ZCWPW2: variants seen among roughly 807,000 people sequenced by gnomAD.
ZCWPW2 encodes the protein zinc finger CW-type and PWWP domain containing 2, also known as zinc finger CW-type PWWP domain protein 2.
A neutral mutation model predicts 46.6 loss-of-function variants in ZCWPW2; 45 were observed. That is an observed-to-expected ratio of 0.96 (90% CI 0.76 to 1.24). The LOEUF (loss-of-function observed/expected upper bound fraction) is 1.24. Among genes scored for constraint, ZCWPW2 ranks in the 50% most tolerant of loss-of-function variants. ZCWPW2 has a pLI of 0.00. For synonymous variants in ZCWPW2, 152 were observed against 137.1 expected, an observed-to-expected ratio of 1.11 and a Z score of -0.76; for missense variants, 429 against 403.9, an observed-to-expected ratio of 1.06 and a Z score of -0.53.
intron 4 of ZCWPW2, among the ~76,000 whole-genome samples, chr3:28,440,870 C>T (rs1234675264): frequency 6.6e-6 from 1 of 152,158 alleles, no homozygotes; most frequent in Non-Finnish European, 1.5e-5. Context: ...CTGCCTTTTC[C>T]ATGGTGATAG....
At chr3:28,349,402 CTG>C (rs1356373541) in intron 1 of ZCWPW2, among the ~76,000 whole-genome samples, 199 bp downstream of exon 1, 1 of 152,188 alleles carries the variant, frequency 6.6e-6, no homozygotes, top group Non-Finnish European at 1.5e-5. Flanking sequence ...AGCCGTTCCT[CTG>C]TAGCCTCTGT....
chr3:28,480,733 A>T (rs570154956), intron 5 of ZCWPW2, among the ~76,000 whole-genome samples: 7 of 152,242 alleles, frequency 4.6e-5, no homozygotes, highest in African/African-American at 1.4e-4. Context: ...TAAGTCTTGA[A>T]TCCATCTTCA....
intron 4 of ZCWPW2, among the ~76,000 whole-genome samples, chr3:28,444,822 T>C (rs1697922369): frequency 6.6e-6 from 1 of 152,178 alleles, no homozygotes; most frequent in South Asian, 2.1e-4. Flanking sequence ...AGCTTCATTA[T>C]AGTCCTTGGT....
At chr3:28,383,659 A>T (rs1003280942) in intron 1 of ZCWPW2, among the ~76,000 whole-genome samples, 1 of 152,020 alleles carries the variant, frequency 6.6e-6, no homozygotes, top group African/African-American at 2.4e-5. Context: ...AAGTCAAGAC[A>T]TTCTAAATAT....
chr3:28,390,657 C>CAT, intron 2 of ZCWPW2, 40 bp downstream of exon 2: 1 of 984,990 alleles, frequency 1.0e-6, no homozygotes, highest in Non-Finnish European at 1.2e-6. Context: ...TTCTCTAGTA[C>CAT]ATAAGCATTT....
rs1355112838 is a variant in ZCWPW2, at chr3:28,380,938, A to G, written c.-133-9560A>G. Among the ~76,000 whole-genome samples, 17 of 12,180 alleles carry G rather than the reference A, an allele frequency of 1.4e-3. 1 individual carries two copies. The highest frequency in any genetic ancestry group is 6.0e-3 in the African/African-American group (17 of 2,850). 8.0% of individuals were successfully genotyped at this position (12,180 alleles called of 152,430 possible). A position where few individuals can be genotyped will look rare whatever the true frequency, so the allele number is the denominator to read the frequency against. On this transcript the variant is annotated intron_variant, in intron 1 of 9. Transcript: ENST00000383768. ...TACCAAATATATATATATTTGGTAT[A>G]TATATATATATATATATATATATAT...
intron 1 of ZCWPW2, among the ~76,000 whole-genome samples, chr3:28,349,407 GC>G (rs908373496): frequency 3.3e-5 from 5 of 152,294 alleles, no homozygotes; most frequent in African/African-American, 1.2e-4. Flanking sequence ...TTCCTCTGTA[GC>G]CTCTGTTTTC....
chr3:28,495,762 A>G (rs1699972579), intron 6 of ZCWPW2, among the ~76,000 whole-genome samples: 1 of 152,026 alleles, frequency 6.6e-6, no homozygotes, highest in Admixed American at 6.6e-5. Context: ...GAAAAAACTG[A>G]TCCTTTACCA....
At chr3:28,391,992 T>G (rs1040764758) in intron 2 of ZCWPW2, among the ~76,000 whole-genome samples, 1 of 152,134 alleles carries the variant, frequency 6.6e-6, no homozygotes, top group Non-Finnish European at 1.5e-5. Context: ...AATAATTACA[T>G]TGAATGTCAG....
At chr3:28,353,380 A>G (rs1432702424) in intron 1 of ZCWPW2, among the ~76,000 whole-genome samples, 1 of 152,210 alleles carries the variant, frequency 6.6e-6, no homozygotes, top group African/African-American at 2.4e-5. Flanking sequence ...ACACTAAAAT[A>G]TATTATGTTG....
intron 1 of ZCWPW2, among the ~76,000 whole-genome samples, chr3:28,360,868 A>G (rs529978410): frequency 4.7e-4 from 71 of 152,310 alleles, no homozygotes; most frequent in African/African-American, 1.6e-3. Context: ...AGCTACGTTA[A>G]TCAAAACAGT....
chr3:28,472,076 G>A (rs1416010334), intron 4 of ZCWPW2, among the ~76,000 whole-genome samples: 1 of 151,936 alleles, frequency 6.6e-6, no homozygotes, highest in Non-Finnish European at 1.5e-5. Context: ...GAAATTGGAG[G>A]ACAGAAAAAA....
intron 4 of ZCWPW2, among the ~76,000 whole-genome samples, chr3:28,466,894 T>TTC (rs1385812309): frequency 1.3e-5 from 2 of 152,166 alleles, no homozygotes; most frequent in Non-Finnish European, 2.9e-5. Context: ...AAGATGTCAG[T>TTC]TCTCCTTAAA....
chr3:28,463,218 T>A (rs1297647252), intron 4 of ZCWPW2, among the ~76,000 whole-genome samples: 1 of 152,204 alleles, frequency 6.6e-6, no homozygotes, highest in African/African-American at 2.4e-5. Flanking sequence ...ACTGAAAATT[T>A]AATAAAACTG....
chr3:28,514,470 A>G (rs577536077), intron 7 of ZCWPW2, among the ~76,000 whole-genome samples: 1 of 152,204 alleles, frequency 6.6e-6, no homozygotes, highest in Non-Finnish European at 1.5e-5. Flanking sequence ...ATAGGTGGAA[A>G]CTGACATAGT....
At chr3:28,421,766 G>C (rs1696799493) in intron 3 of ZCWPW2, among the ~76,000 whole-genome samples, 1 of 149,484 alleles carries the variant, frequency 6.7e-6, no homozygotes, top group South Asian at 2.1e-4. Context: ...CAGATTTTTT[G>C]ATAGAGGGAG....
rs1700818229 is a variant in ZCWPW2, at chr3:28,525,179, C to G, written c.*491C>G. On this transcript the variant is annotated 3_prime_UTR_variant, in exon 10 of 10. Coordinates refer to ENST00000383768, the MANE Select transcript of ZCWPW2 (RefSeq NM_001040432.4). ...TAGAGTTGAAACTTTTCCTAAAAAGCAAAATTTCACTTGCTACTTCTACTG... is the reference window on the plus strand; with the variant it reads ...TAGAGTTGAAACTTTTCCTAAAAAGGAAAATTTCACTTGCTACTTCTACTG... 1 of 152,126 alleles carries G rather than the reference C, an allele frequency of 6.6e-6. No individual in the cohort carries two copies. Among genetic ancestry groups the G allele is most frequent in the Non-Finnish European group, 1.5e-5 (1 of 68,074 alleles). 9.4% of individuals were successfully genotyped at this position (152,126 alleles called of 1,614,324 possible).
At chr3:28,430,714 A>T (rs1697220034) in intron 3 of ZCWPW2, among the ~76,000 whole-genome samples, 1 of 152,170 alleles carries the variant, frequency 6.6e-6, no homozygotes, top group South Asian at 2.1e-4. Flanking sequence ...TGATTAGATC[A>T]TGGGGCAGTT....
intron 2 of ZCWPW2, among the ~76,000 whole-genome samples, chr3:28,411,275 A>G (rs1471811375): frequency 6.6e-6 from 1 of 151,970 alleles, no homozygotes; most frequent in East Asian, 1.9e-4. Context: ...AAAGAAATCC[A>G]TATATTTATC....
Sources: gnomAD v4.1 joint callset for allele counts (sites outside exome capture counted in the v4.1 genomes callset) on GRCh38, gnomAD v4.1.1 for gene constraint, MANE v1.5 for transcripts, NCBI Gene and HGNC (gene_info 2026-07-23, HGNC 2026-07-21) for gene names.